Variants in TRMT9B observed in about 807,000 individuals in gnomAD.
TRMT9B encodes the protein tRNA methyltransferase 9B (putative).
TRMT9B carries 16 observed loss-of-function variants against 11.5 expected under a neutral mutation model. The ratio of observed to expected loss-of-function variants is 1.39; its 90% confidence interval spans 0.94 to 2.11. The LOEUF is 2.11. Ranked by LOEUF, TRMT9B falls within the 30% of genes most tolerant of loss-of-function variation. The probability of loss-of-function intolerance (pLI) is 0.00; values close to 1 mark genes in which losing one functional copy is unlikely to be tolerated. For missense variants in TRMT9B, 941 were observed against 553.8 expected (o/e 1.70, Z -7.02); for synonymous variants, 274 against 192.4 (o/e 1.42, Z -3.51).
At chr8:12,981,806 C>T (rs1805441466) in intron 1 of TRMT9B, among the ~76,000 whole-genome samples, 1 of 151,886 alleles carries the variant, frequency 6.6e-6, no homozygotes, top group Admixed American at 6.6e-5. Context: ...ATTAAGTTGC[C>T]CAGGCTTATC....
chr8:12,950,338 G>A (rs762509816), intron 1 of TRMT9B, among the ~76,000 whole-genome samples: 1 of 152,060 alleles, frequency 6.6e-6, no homozygotes, highest in African/African-American at 2.4e-5. Context: ...TATTTGCCAG[G>A]CACTATCCTA....
chr8:12,961,830 C>T (rs1802156039), intron 1 of TRMT9B: 1 of 152,146 alleles, frequency 6.6e-6, no homozygotes, highest in Admixed American at 6.5e-5. Context: ...TTGCCTTAAT[C>T]CCAGAGGAAA....
intron 1 of TRMT9B, among the ~76,000 whole-genome samples, chr8:12,974,405 A>C (rs1326934495): frequency 6.6e-6 from 1 of 152,194 alleles, no homozygotes; most frequent in East Asian, 1.9e-4. Flanking sequence ...ACGGGGAATC[A>C]ATTTCAGAAG....
chr8:12,955,094 C>T (rs986291144), intron 1 of TRMT9B, among the ~76,000 whole-genome samples: 1 of 152,158 alleles, frequency 6.6e-6, no homozygotes, highest in African/African-American at 2.4e-5. Flanking sequence ...GAGGTTGCTG[C>T]CTAATAGACT....
At position 12,945,897 on chromosome 8, in the gene TRMT9B, C is replaced by T. The variant is rs1354287865; in HGVS notation, c.-269C>T. Reference sequence around the variant, plus strand: ...TTTCAGGATCTAAGGCTGAATCCTACACAGTCCTCCCTCTGGGAAAGTGAT... The same window carrying T: ...TTTCAGGATCTAAGGCTGAATCCTATACAGTCCTCCCTCTGGGAAAGTGAT... On this transcript the variant is annotated 5_prime_UTR_variant, in exon 1 of 5. Transcript: ENST00000524591. 6.6e-6 allele frequency: 1 copy of T among 152,202 alleles called. No homozygotes were observed. The highest frequency in any genetic ancestry group is 2.4e-5 in the African/African-American group (1 of 41,448). The allele number at this position is 152,202 out of a possible 1,614,324, so 9.4% of individuals were successfully genotyped here. A position where few individuals can be genotyped will look rare whatever the true frequency, so the allele number is the denominator to read the frequency against.
chr8:12,957,740 C>A (rs1801499606), intron 1 of TRMT9B, among the ~76,000 whole-genome samples: 1 of 152,116 alleles, frequency 6.6e-6, no homozygotes, highest in Non-Finnish European at 1.5e-5. Context: ...GCATTAACTG[C>A]AACATTGATT....
At chr8:13,013,133 G>A (rs1269353036) in intron 4 of TRMT9B, among the ~76,000 whole-genome samples, 3 of 152,118 alleles carry the variant, frequency 2.0e-5, no homozygotes, top group Non-Finnish European at 4.4e-5. Flanking sequence ...AGGATTAGAG[G>A]AATCTTACTC....
chr8:12,951,386 T>A (rs1405070244), intron 1 of TRMT9B: 2 of 152,312 alleles, frequency 1.3e-5, no homozygotes, highest in Non-Finnish European at 2.9e-5. Context: ...CCCAAGGTAC[T>A]GCGCTGATGC....
intron 3 of TRMT9B, chr8:13,007,280 T>C (rs1810656806): frequency 6.6e-6 from 1 of 152,222 alleles, no homozygotes; most frequent in Admixed American, 6.5e-5. Context: ...TTAGACAGTA[T>C]TTTAATAATA....
At chr8:12,974,767 C>T (rs1319868619) in intron 1 of TRMT9B, among the ~76,000 whole-genome samples, 1 of 152,170 alleles carries the variant, frequency 6.6e-6, no homozygotes, top group African/African-American at 2.4e-5. Context: ...GGGACAGCAG[C>T]AGGCAGGGTT....
intron 3 of TRMT9B, chr8:13,012,467 C>T (rs996115483): frequency 2.0e-5 from 11 of 549,038 alleles, no homozygotes; most frequent in South Asian, 3.4e-5. Context: ...CCCACCTACT[C>T]GGGAGGCTAA....
At chr8:13,016,942 T>C (rs2460334) in intron 4 of TRMT9B, among the ~76,000 whole-genome samples, 1 of 150,708 alleles carries the variant, frequency 6.6e-6, no homozygotes, top group South Asian at 2.1e-4. Context: ...CTGGCCAATA[T>C]GGTGAAACCC....
chr8:12,947,340 T>G (rs1262406129), intron 1 of TRMT9B, among the ~76,000 whole-genome samples: 1 of 152,182 alleles, frequency 6.6e-6, no homozygotes, highest in African/African-American at 2.4e-5. Context: ...TCCTTATGCA[T>G]CAAGATGTTA....
chr8:12,976,412 A>G (rs1804458191), intron 1 of TRMT9B, among the ~76,000 whole-genome samples: 1 of 151,804 alleles, frequency 6.6e-6, no homozygotes, highest in African/African-American at 2.4e-5. Flanking sequence ...GTCAGCAGCA[A>G]CGTTGTGTGA....
chr8:13,021,736 A>C lies in TRMT9B; in HGVS notation c.1057A>C (p.Thr353Pro). ...TGGAGGGGGAAATTTTCTGGATAGC[A>C]CTAATACTGGTGTGAATTGTGTGGA... Reference protein sequence around the residue: ...RNGGGNFLDSTNTGVNCVDAG... With the variant: ...RNGGGNFLDSPNTGVNCVDAG... The change falls in exon 5 of 5, where the codon ACT (threonine) becomes CCT (proline). Residue 353 changes from threonine to proline, a missense_variant. Coordinates refer to ENST00000524591, the MANE Select transcript of TRMT9B (RefSeq NM_020844.3). The C allele has an allele frequency of 6.2e-7, 1 of 1,613,980 alleles. No individual in the cohort carries two copies. Among genetic ancestry groups the C allele is most frequent in the Admixed American group, 1.7e-5 (1 of 60,012 alleles).
intron 1 of TRMT9B, among the ~76,000 whole-genome samples, chr8:12,968,650 G>A (rs2128867134): frequency 6.6e-6 from 1 of 152,198 alleles, no homozygotes; most frequent in East Asian, 1.9e-4. Context: ...TCTGGGAGGA[G>A]TCAGTCCTCA....
At chr8:12,953,200 T>G (rs1800859646) in intron 1 of TRMT9B, among the ~76,000 whole-genome samples, 1 of 149,744 alleles carries the variant, frequency 6.7e-6, no homozygotes, top group African/African-American at 2.5e-5. Context: ...TAGAAAGAGC[T>G]AAAATATATC....
chr8:12,965,917 G>A (rs1802747533), intron 1 of TRMT9B, among the ~76,000 whole-genome samples: 5 of 151,876 alleles, frequency 3.3e-5, no homozygotes, highest in Admixed American at 3.3e-4. Context: ...GGAGGCTGAG[G>A]CAGGAGAACC....
intron 4 of TRMT9B, among the ~76,000 whole-genome samples, chr8:13,018,127 CG>C (rs930298007): frequency 1.3e-4 from 18 of 143,806 alleles, no homozygotes; most frequent in Non-Finnish European, 2.3e-4. Flanking sequence ...CTTGGCCAGG[CG>C]TGGTGGTTCA....
Sources: gnomAD v4.1 joint callset for allele counts (sites outside exome capture counted in the v4.1 genomes callset) on GRCh38, gnomAD v4.1.1 for gene constraint, MANE v1.5 for transcripts, NCBI Gene and HGNC (gene_info 2026-07-23, HGNC 2026-07-21) for gene names.